LRRTM4: variants seen among roughly 807,000 people sequenced by gnomAD.
LRRTM4 encodes the protein leucine-rich repeat transmembrane neuronal protein 4.
Under a neutral mutation model 47.6 loss-of-function variants are expected in LRRTM4, and 25 were observed. That is an observed-to-expected ratio of 0.53 (90% CI 0.38 to 0.73). The LOEUF (loss-of-function observed/expected upper bound fraction) is 0.73, where lower values mean the gene tolerates loss of function less well. Ranked by LOEUF, LRRTM4 falls within the 30% of genes least tolerant of loss-of-function variation. The pLI is 0.00. For missense variants in LRRTM4, 638 were observed against 713.4 expected, an observed-to-expected ratio of 0.89 and a Z score of 1.20; for synonymous variants, 311 against 269.5, an observed-to-expected ratio of 1.15 and a Z score of -1.51.
chr2:77,326,555 G>A (rs1670783204), intron 3 of LRRTM4, among the ~76,000 whole-genome samples: 1 of 151,974 alleles, frequency 6.6e-6, no homozygotes, highest in Non-Finnish European at 1.5e-5. Flanking sequence ...CACCATTCCT[G>A]GCTATTGGTT....
At chr2:77,360,494 TAC>T (rs2104314028) in intron 3 of LRRTM4, among the ~76,000 whole-genome samples, 1 of 146,872 alleles carries the variant, frequency 6.8e-6, no homozygotes, top group African/African-American at 2.6e-5. Context: ...TACGATACGA[TAC>T]GATACGATAC....
At chr2:77,121,867 G>C (rs1671529920) in intron 3 of LRRTM4, among the ~76,000 whole-genome samples, 1 of 151,736 alleles carries the variant, frequency 6.6e-6, no homozygotes, top group Non-Finnish European at 1.5e-5. Flanking sequence ...TGCAATGTGG[G>C]ATCTTCAAGT....
chr2:76,797,585 A>C (rs1488358266), intron 3 of LRRTM4, among the ~76,000 whole-genome samples: 1 of 151,906 alleles, frequency 6.6e-6, no homozygotes, highest in South Asian at 2.1e-4. Flanking sequence ...AGCTAACATC[A>C]TAATGACAGG....
intron 3 of LRRTM4, among the ~76,000 whole-genome samples, chr2:76,910,364 G>A (rs902386368): frequency 6.8e-6 from 1 of 147,754 alleles, no homozygotes; most frequent in African/African-American, 2.5e-5. Context: ...GGGGAGGGTG[G>A]AGGGATAACA....
At chr2:76,821,453 AT>A (rs1558676447) in intron 3 of LRRTM4, among the ~76,000 whole-genome samples, 1 of 151,796 alleles carries the variant, frequency 6.6e-6, no homozygotes, top group African/African-American at 2.4e-5. Flanking sequence ...AAATTACTAT[AT>A]TTTTAAAAGA....
At chr2:76,993,192 A>T (rs899112541) in intron 3 of LRRTM4, among the ~76,000 whole-genome samples, 1 of 151,982 alleles carries the variant, frequency 6.6e-6, no homozygotes, top group Non-Finnish European at 1.5e-5. Flanking sequence ...AGGAACTACC[A>T]TTCAGGACAT....
At position 77,083,783 on chromosome 2, in the gene LRRTM4, C is replaced by CTT. The variant is rs386390525; in HGVS notation, c.1552-334869_1552-334868dup. Among the ~76,000 whole-genome samples the CTT allele has an allele frequency of 2.0e-3, 104 of 52,384 alleles. 16 individuals are homozygous for CTT. Among genetic ancestry groups the CTT allele is most frequent in the Admixed American group, 3.2e-3 (12 of 3,806 alleles). The allele number at this position is 52,384 out of a possible 152,430, so 34.4% of individuals were successfully genotyped here. A position where few individuals can be genotyped will look rare whatever the true frequency, so the allele number is the denominator to read the frequency against. On this transcript the variant is annotated intron_variant, in intron 3 of 3. Coordinates refer to ENST00000409884, the MANE Select transcript of LRRTM4 (RefSeq NM_001134745.3). ...ACTTCTCAATTTTTAACTGGACACA[C>CTT]TTTTTTTTTTTTTTTTTTTTTTTTT...
intron 3 of LRRTM4, among the ~76,000 whole-genome samples, chr2:77,013,123 G>A (rs1219309741): frequency 1.3e-5 from 2 of 152,070 alleles, no homozygotes; most frequent in African/African-American, 4.8e-5. Context: ...CTTTCCCATT[G>A]AGATAGATCA....
intron 3 of LRRTM4, among the ~76,000 whole-genome samples, chr2:77,515,191 C>T (rs1051346470): frequency 6.6e-6 from 1 of 151,806 alleles, no homozygotes; most frequent in Non-Finnish European, 1.5e-5. Flanking sequence ...TAACTATCTA[C>T]TCTATTTCTC....
At chr2:77,347,716 G>C (rs138256001) in intron 3 of LRRTM4, among the ~76,000 whole-genome samples, 1 of 151,996 alleles carries the variant, frequency 6.6e-6, no homozygotes, top group African/African-American at 2.4e-5. Flanking sequence ...AAATTACTCT[G>C]TTAAATTGCT....
chr2:77,520,563 C>A (rs544518437), intron 2 of LRRTM4, among the ~76,000 whole-genome samples: 1 of 152,156 alleles, frequency 6.6e-6, no homozygotes, highest in Admixed American at 6.5e-5. Flanking sequence ...GCTAAGACAT[C>A]TAAATACTCA....
chr2:77,172,481 C>G (rs983367233), intron 3 of LRRTM4, among the ~76,000 whole-genome samples: 3 of 152,110 alleles, frequency 2.0e-5, no homozygotes, highest in Non-Finnish European at 4.4e-5. Flanking sequence ...GTAATCTCAG[C>G]TACTCCGGAG....
intron 3 of LRRTM4, among the ~76,000 whole-genome samples, chr2:77,042,112 A>C (rs184253274): frequency 2.5e-3 from 381 of 151,614 alleles, no homozygotes; most frequent in African/African-American, 8.9e-3. Flanking sequence ...ATTCTGAATA[A>C]GGCCTATGGT....
At position 76,857,821 on chromosome 2, in the gene LRRTM4, A is replaced by C. The variant is rs915027164; in HGVS notation, c.1552-108905T>G. On this transcript the variant is annotated intron_variant, in intron 3 of 3. Transcript: ENST00000409884. Reference sequence around the variant, plus strand: ...TGTTGATCTTTTCTAACAGGCAAATAGGCATTTACTTTAAGCATTACAAAC... The same window carrying C: ...TGTTGATCTTTTCTAACAGGCAAATCGGCATTTACTTTAAGCATTACAAAC... 4.6e-5 allele frequency among the ~76,000 whole-genome samples: 7 copies of C among 152,308 alleles called. No homozygotes were observed. The East Asian group carries it at 1.2e-3, about 25-fold the overall frequency.
chr2:77,059,331 T>C lies in LRRTM4; in HGVS notation c.1552-310415A>G, dbSNP rs576350456. Among the ~76,000 whole-genome samples the C allele has an allele frequency of 2.0e-5, 3 of 152,242 alleles. No homozygotes were observed. In the South Asian group the frequency reaches 6.2e-4, roughly 32 times the overall value. On this transcript the variant is annotated intron_variant, in intron 3 of 3. Transcript: ENST00000409884. ...TTATCTTGTCACAGTGGATAATTCT[T>C]TCAGTAGAGTTGTCTTAATATTCCA...
chr2:77,470,169 G>A (rs1169753974), intron 3 of LRRTM4, among the ~76,000 whole-genome samples: 1 of 152,060 alleles, frequency 6.6e-6, no homozygotes, highest in Non-Finnish European at 1.5e-5. Flanking sequence ...CGTAATACCA[G>A]GCAGATAAGC....
At chr2:77,220,710 A>G (rs6734221) in intron 3 of LRRTM4, among the ~76,000 whole-genome samples, 30,339 of 152,192 alleles carry the variant, frequency 0.2, 5,861 homozygotes, top group African/African-American at 0.5. Flanking sequence ...CTATGTGAAA[A>G]GACCAAAACT....
intron 3 of LRRTM4, among the ~76,000 whole-genome samples, chr2:77,017,114 T>G (rs985744035): frequency 6.6e-6 from 1 of 152,146 alleles, no homozygotes; most frequent in Admixed American, 6.5e-5. Flanking sequence ...TGATAACCCT[T>G]AAGTATCATC....
At chr2:77,178,890 G>A (rs1428997749) in intron 3 of LRRTM4, among the ~76,000 whole-genome samples, 7 of 152,212 alleles carry the variant, frequency 4.6e-5, no homozygotes, top group Non-Finnish European at 2.9e-5. Context: ...CAAAAAAGGT[G>A]TGGCCAACTT....
Sources: allele counts gnomAD v4.1 joint callset (sites outside exome capture counted in the v4.1 genomes callset), GRCh38; gene constraint gnomAD v4.1.1; transcripts MANE v1.5; gene names NCBI Gene and HGNC (gene_info 2026-07-23, HGNC 2026-07-21).